The following RALYL variants were observed in gnomAD, a reference collection of about 807,000 sequenced individuals.
RALYL encodes RNA-binding Raly-like protein.
In RALYL, 29 loss-of-function variants were observed where a neutral mutation model predicts 35.1. The observed-to-expected ratio is 0.83, with a 90% CI of 0.61 to 1.13. RALYL has a LOEUF of 1.13. Ranked by LOEUF, RALYL falls within the 50% of genes most tolerant of loss-of-function variation. The probability of loss-of-function intolerance (pLI) is 0.00; values close to 1 mark genes in which losing one functional copy is unlikely to be tolerated. For synonymous variants in RALYL, 120 were observed against 127.6 expected, an observed-to-expected ratio of 0.94 and a Z score of 0.40; for missense variants, 359 against 360.4, an observed-to-expected ratio of 1.00 and a Z score of 0.03.
intron 1 of RALYL, among the ~76,000 whole-genome samples, chr8:84,420,303 T>C (rs2045351530): frequency 6.6e-6 from 1 of 152,196 alleles, no homozygotes; most frequent in Non-Finnish European, 1.5e-5. Flanking sequence ...CCACTGATGA[T>C]GAGCATTTTT....
chr8:84,564,995 A>T (rs2061686588), intron 2 of RALYL, among the ~76,000 whole-genome samples: 1 of 151,638 alleles, frequency 6.6e-6, no homozygotes, highest in South Asian at 2.1e-4. Context: ...ATCAAAGCTG[A>T]TATTCATTTT....
intron 2 of RALYL, among the ~76,000 whole-genome samples, chr8:84,548,988 C>T (rs911518750): frequency 6.6e-6 from 1 of 152,142 alleles, no homozygotes; most frequent in African/African-American, 2.4e-5. Context: ...CAAATTGGAT[C>T]ATGAGAGCCC....
intron 1 of RALYL, among the ~76,000 whole-genome samples, chr8:84,361,766 A>C (rs2131272171): frequency 6.6e-6 from 1 of 152,238 alleles, no homozygotes; most frequent in South Asian, 2.1e-4. Context: ...AAGAATAAAA[A>C]CCTATACTGG....
chr8:84,184,668 G>A (rs751424280), intron 1 of RALYL, among the ~76,000 whole-genome samples: 10 of 151,756 alleles, frequency 6.6e-5, no homozygotes, highest in Non-Finnish European at 1.2e-4. Flanking sequence ...CCCCTCCCAC[G>A]GTGAGCTGCG....
intron 2 of RALYL, among the ~76,000 whole-genome samples, chr8:84,552,285 T>G (rs2135444930): frequency 6.8e-6 from 1 of 147,690 alleles, no homozygotes; most frequent in Non-Finnish European, 1.5e-5. Flanking sequence ...CAATTAAATT[T>G]AAAGCATTTT....
At chr8:84,458,313 G>A (rs976455169) in intron 1 of RALYL, among the ~76,000 whole-genome samples, 10 of 151,620 alleles carry the variant, frequency 6.6e-5, no homozygotes, top group African/African-American at 1.9e-4. Context: ...TTGTAAAAAT[G>A]TCCATTTAAG....
At chr8:84,459,730 G>A (rs1368752271) in intron 1 of RALYL, among the ~76,000 whole-genome samples, 1 of 151,750 alleles carries the variant, frequency 6.6e-6, no homozygotes, top group Non-Finnish European at 1.5e-5. Context: ...GTAAGTGAGA[G>A]AGAGGATAGT....
At chr8:84,824,137 G>C (rs529346678) in intron 4 of RALYL, among the ~76,000 whole-genome samples, 97 of 152,180 alleles carry the variant, frequency 6.4e-4, no homozygotes, top group Non-Finnish European at 1.1e-3. Flanking sequence ...TCCTGCAACT[G>C]ATATGCCACT....
intron 2 of RALYL, among the ~76,000 whole-genome samples, chr8:84,600,044 C>G (rs567701420): frequency 6.6e-6 from 1 of 151,346 alleles, no homozygotes; most frequent in African/African-American, 2.4e-5. Context: ...CCAGACTGAT[C>G]GGTAATATCC....
intron 8 of RALYL, 120 bp downstream of exon 8, chr8:84,887,896 T>C (rs1843180311): frequency 2.3e-6 from 2 of 874,792 alleles, no homozygotes; most frequent in African/African-American, 1.7e-5. Flanking sequence ...TATGCATATA[T>C]TTAAGGGAAC....
intron 4 of RALYL, among the ~76,000 whole-genome samples, chr8:84,830,950 GTAAAT>G (rs531971833): frequency 8.5e-5 from 13 of 152,052 alleles, no homozygotes; most frequent in African/African-American, 3.1e-4. Context: ...ATTTGAAGCA[GTAAAT>G]TAAAGATTTG....
At chr8:84,888,087 A>G (rs1477455688) in intron 8 of RALYL, among the ~76,000 whole-genome samples, 1 of 152,274 alleles carries the variant, frequency 6.6e-6, no homozygotes, top group Non-Finnish European at 1.5e-5. Context: ...TTATGCAATT[A>G]CAAGTGAACT....
chr8:84,908,382 G>A lies in RALYL; in HGVS notation c.859-12512G>A, dbSNP rs572893809. Among the ~76,000 whole-genome samples, 29 of 151,994 alleles carry A rather than the reference G, an allele frequency of 1.9e-4. No individual in the cohort carries two copies. In the South Asian group the frequency reaches 3.1e-3, roughly 16 times the overall value. ...CATTTCCCTCACCTCCCTGTTTCTC[G>A]TAACCACCATTCTACTCTCTGCTTC... is the stretch of plus-strand genomic sequence containing the variant. On this transcript the variant is annotated intron_variant, in intron 8 of 8. Transcript: ENST00000521268.
intron 2 of RALYL, among the ~76,000 whole-genome samples, chr8:84,692,034 A>AT (rs1010506795): frequency 6.6e-6 from 1 of 152,030 alleles, no homozygotes; most frequent in African/African-American, 2.4e-5. Context: ...TCCAATCATG[A>AT]TTTTTAAAAA....
chr8:84,403,257 T>G (rs372322285), intron 1 of RALYL, among the ~76,000 whole-genome samples: 3 of 152,162 alleles, frequency 2.0e-5, no homozygotes, highest in African/African-American at 7.2e-5. Flanking sequence ...TGAATGGTAT[T>G]GCCTAGGTTT....
At chr8:84,795,255 A>G (rs1821655062) in intron 3 of RALYL, among the ~76,000 whole-genome samples, 1 of 152,254 alleles carries the variant, frequency 6.6e-6, no homozygotes, top group Admixed American at 6.5e-5. Flanking sequence ...ATCAACAAAT[A>G]AAGTATTAGA....
At chr8:84,770,918 G>T (rs1355993333) in intron 2 of RALYL, among the ~76,000 whole-genome samples, 1 of 151,956 alleles carries the variant, frequency 6.6e-6, no homozygotes, top group Non-Finnish European at 1.5e-5. Flanking sequence ...TTGCTAATTT[G>T]TTTGAGTTCT....
At chr8:84,521,058 C>T (rs191173767) in intron 1 of RALYL, among the ~76,000 whole-genome samples, 36 of 152,256 alleles carry the variant, frequency 2.4e-4, no homozygotes, top group East Asian at 1.9e-3. Flanking sequence ...TATGTCTCCT[C>T]AAAATTCATA....
intron 8 of RALYL, among the ~76,000 whole-genome samples, chr8:84,895,176 T>C (rs180962769): frequency 1.3e-5 from 2 of 152,264 alleles, no homozygotes; most frequent in African/African-American, 4.8e-5. Context: ...CGTCTTGAAC[T>C]CTATCAATCC....
Sources: allele counts gnomAD v4.1 joint callset (sites outside exome capture counted in the v4.1 genomes callset), GRCh38; gene constraint gnomAD v4.1.1; transcripts MANE v1.5; gene names NCBI Gene and HGNC (gene_info 2026-07-23, HGNC 2026-07-21).